Variants in CCDC15 observed in about 807,000 individuals in gnomAD.
The protein encoded by CCDC15 is coiled-coil domain-containing protein 15.
CCDC15 carries 105 observed loss-of-function variants against 114.5 expected under a neutral mutation model. That is an observed-to-expected ratio of 0.92 (90% CI 0.78 to 1.08). The LOEUF is 1.08. CCDC15 is among the 50% of genes least tolerant of loss of function. The probability of loss-of-function intolerance (pLI) is 0.00; values close to 1 mark genes in which losing one functional copy is unlikely to be tolerated. For synonymous variants in CCDC15, 334 were observed against 377.8 expected, an observed-to-expected ratio of 0.88 and a Z score of 1.34; for missense variants, 1,105 against 1,093.6, an observed-to-expected ratio of 1.01 and a Z score of -0.15.
chr11:125,025,066 G>GAATATATATATT (rs1491107980), intron 13 of CCDC15, among the ~76,000 whole-genome samples: 1 of 95,514 alleles, frequency 1.0e-5, no homozygotes, highest in Non-Finnish European at 2.1e-5. Flanking sequence ...ATATATATAT[G>GAATATATATATT]AATATATGAA....
intron 13 of CCDC15, among the ~76,000 whole-genome samples, chr11:125,022,121 C>T (rs1341025656): frequency 1.3e-5 from 2 of 151,774 alleles, no homozygotes; most frequent in Non-Finnish European, 1.5e-5. Context: ...AGTTTTCTTT[C>T]ATTCTCTAAC....
At chr11:124,977,100 T>C (rs1947986270) in intron 5 of CCDC15, among the ~76,000 whole-genome samples, 1 of 152,116 alleles carries the variant, frequency 6.6e-6, no homozygotes, top group Admixed American at 6.6e-5. Flanking sequence ...TATTTCATTA[T>C]TAGTCTTTAG....
At chr11:125,032,739 A>G (rs1193649027) in intron 13 of CCDC15, among the ~76,000 whole-genome samples, 5 of 152,310 alleles carry the variant, frequency 3.3e-5, no homozygotes, top group African/African-American at 7.2e-5. Flanking sequence ...GAGTATGTCT[A>G]TGCCAATTAT....
intron 11 of CCDC15, among the ~76,000 whole-genome samples, chr11:125,000,203 A>G (rs568130020): frequency 2.6e-5 from 4 of 152,206 alleles, no homozygotes; most frequent in African/African-American, 7.2e-5. Context: ...GGTTTCTGTT[A>G]AAATCCTCTA....
At chr11:124,992,758 G>T in intron 10 of CCDC15, 71 bp downstream of exon 10, 1 of 836,902 alleles carries the variant, frequency 1.2e-6, no homozygotes, top group South Asian at 1.7e-5. Flanking sequence ...TATTAACATT[G>T]AGGCTGAAGC....
chr11:124,957,164 T>C (rs1947566486), intron 2 of CCDC15, among the ~76,000 whole-genome samples: 2 of 152,190 alleles, frequency 1.3e-5, no homozygotes, highest in African/African-American at 4.8e-5. Flanking sequence ...GGTACAGTGG[T>C]AATGGCTTGT....
chr11:125,033,667 C>A (rs1452263199), intron 13 of CCDC15, among the ~76,000 whole-genome samples: 1 of 152,164 alleles, frequency 6.6e-6, no homozygotes, highest in Non-Finnish European at 1.5e-5. Context: ...CGTTCTAAAC[C>A]AAGGGAGGAA....
intron 13 of CCDC15, among the ~76,000 whole-genome samples, chr11:125,023,080 C>CGTGTA (rs1377533779): frequency 7.2e-5 from 11 of 151,850 alleles, no homozygotes; most frequent in Admixed American, 6.6e-5. Context: ...ACTTATTTAA[C>CGTGTA]AAGTCTTTGC....
intron 6 of CCDC15, among the ~76,000 whole-genome samples, chr11:124,978,753 T>C (rs1465752567): frequency 6.6e-6 from 1 of 152,148 alleles, no homozygotes; most frequent in Non-Finnish European, 1.5e-5. Flanking sequence ...AGGTTGTGTG[T>C]TTACTCTGTT....
At chr11:124,994,241 A>G (rs1471527787) in intron 11 of CCDC15, among the ~76,000 whole-genome samples, 4 of 152,170 alleles carry the variant, frequency 2.6e-5, no homozygotes, top group Admixed American at 6.5e-5. Flanking sequence ...CCTTTCACCC[A>G]TGCACCAGAG....
At chr11:124,977,892 A>G (rs1484596562) in intron 6 of CCDC15, among the ~76,000 whole-genome samples, 5 of 152,132 alleles carry the variant, frequency 3.3e-5, no homozygotes, top group African/African-American at 9.7e-5. Context: ...GTTCAAGGAT[A>G]CATGTGTAGA....
At chr11:124,992,730 G>A in intron 10 of CCDC15, 43 bp downstream of exon 10, 3 of 1,098,284 alleles carry the variant, frequency 2.7e-6, no homozygotes, top group Middle Eastern at 2.0e-4. Flanking sequence ...CTTCTAAAAG[G>A]GGAACAAGCC....
At chr11:124,983,033 T>C (rs1948098071) in intron 6 of CCDC15, among the ~76,000 whole-genome samples, 1 of 152,206 alleles carries the variant, frequency 6.6e-6, no homozygotes, top group African/African-American at 2.4e-5. Context: ...TGAGTTATTT[T>C]GGAGAGCCAG....
chr11:124,988,788 C>G (rs898766074), intron 8 of CCDC15, among the ~76,000 whole-genome samples: 1 of 152,236 alleles, frequency 6.6e-6, no homozygotes, highest in African/African-American at 2.4e-5. Flanking sequence ...CTTTGCTCAT[C>G]ATAAGAAGTA....
At chr11:124,979,673 C>T (rs1464081483) in intron 6 of CCDC15, among the ~76,000 whole-genome samples, 1 of 152,124 alleles carries the variant, frequency 6.6e-6, no homozygotes, top group African/African-American at 2.4e-5. Flanking sequence ...TGGGCAGAGA[C>T]TATGGGGATT....
chr11:124,989,032 G>C (rs1948224755), intron 8 of CCDC15, among the ~76,000 whole-genome samples: 1 of 152,196 alleles, frequency 6.6e-6, no homozygotes, highest in Admixed American at 6.5e-5. Flanking sequence ...ATGGCATCAA[G>C]ATGGTGGACC....
intron 6 of CCDC15, among the ~76,000 whole-genome samples, chr11:124,982,030 A>G (rs912336478): frequency 2.0e-5 from 3 of 151,980 alleles, no homozygotes; most frequent in African/African-American, 7.3e-5. Flanking sequence ...TGAGCTTTTT[A>G]CTATTATGTA....
At chr11:125,018,996 T>C (rs1472459677) in intron 13 of CCDC15, among the ~76,000 whole-genome samples, 1 of 151,900 alleles carries the variant, frequency 6.6e-6, no homozygotes, top group African/African-American at 2.4e-5. Flanking sequence ...ACCTCTGAAT[T>C]TGATGTGATT....
At chr11:124,971,218 C>G (rs1947875041) in intron 4 of CCDC15, among the ~76,000 whole-genome samples, 1 of 152,086 alleles carries the variant, frequency 6.6e-6, no homozygotes, top group South Asian at 2.1e-4. Context: ...AACTAACAAA[C>G]AGAAAGGAAT....
Sources: allele counts gnomAD v4.1 joint callset (sites outside exome capture counted in the v4.1 genomes callset), GRCh38; gene constraint gnomAD v4.1.1; transcripts MANE v1.5; gene names NCBI Gene and HGNC (gene_info 2026-07-23, HGNC 2026-07-21).